SCAI: variants seen among roughly 807,000 people sequenced by gnomAD.
SCAI encodes suppressor of cancer cell invasion, also known as protein SCAI.
Under a neutral mutation model 92.2 loss-of-function variants are expected in SCAI, and 24 were observed. The ratio of observed to expected loss-of-function variants is 0.26; its 90% confidence interval spans 0.19 to 0.37. The LOEUF (loss-of-function observed/expected upper bound fraction) is 0.37. SCAI is among the 10% of genes least tolerant of loss of function. SCAI has a pLI of 1.00. For synonymous variants in SCAI, 261 were observed against 258.6 expected (o/e 1.01, Z -0.09); for missense variants, 450 against 736.2 (o/e 0.61, Z 4.50).
chr9:125,026,731 T>A (rs1832972749), intron 6 of SCAI, 81 bp downstream of exon 6: 2 of 735,458 alleles, frequency 2.7e-6, no homozygotes, highest in East Asian at 5.1e-5. Flanking sequence ...TATAAAAATG[T>A]ATGCTTTTCC....
At position 124,999,856 on chromosome 9, in the gene SCAI, A is replaced by G. The variant is rs751112294; in HGVS notation, c.1244+35T>C. The G allele has an allele frequency of 1.6e-5, 17 of 1,080,742 alleles. No homozygotes were observed. The South Asian group carries it at 2.5e-4, about 16-fold the overall frequency. The allele number at this position is 1,080,742 out of a possible 1,614,324, so 66.9% of individuals were successfully genotyped here. A position where few individuals can be genotyped will look rare whatever the true frequency, so the allele number is the denominator to read the frequency against. On this transcript the variant is annotated intron_variant, in intron 13 of 17. Transcript: ENST00000336505. ...TTTTCTATTTATAGACAGAGGTATA[A>G]TTTTTATAATAAGAGTAGACACCAG...
chr9:125,007,481 G>C (rs72765231), intron 9 of SCAI, among the ~76,000 whole-genome samples: 19,974 of 152,064 alleles, frequency 0.13, 1,754 homozygotes, highest in Non-Finnish European at 0.19. Flanking sequence ...TTGAGGCCAG[G>C]AGTTTGAGAC....
intron 2 of SCAI, among the ~76,000 whole-genome samples, chr9:125,082,875 A>G (rs1036981747): frequency 1.3e-5 from 2 of 152,250 alleles, no homozygotes; most frequent in African/African-American, 4.8e-5. Flanking sequence ...TTACAGGCTC[A>G]TAGGCAGAAG....
At chr9:124,960,548 A>G (rs1281402445) in intron 17 of SCAI, among the ~76,000 whole-genome samples, 1 of 152,204 alleles carries the variant, frequency 6.6e-6, no homozygotes, top group Non-Finnish European at 1.5e-5. Flanking sequence ...GCACAATGCA[A>G]TGCTTAGTCA....
At chr9:125,096,916 T>C (rs1461928354) in intron 2 of SCAI, among the ~76,000 whole-genome samples, 4 of 152,336 alleles carry the variant, frequency 2.6e-5, no homozygotes, top group South Asian at 4.1e-4. Context: ...GTAAAATATA[T>C]ATACTCCTGA....
At chr9:125,104,905 C>T (rs2131218574) in intron 2 of SCAI, among the ~76,000 whole-genome samples, 1 of 149,778 alleles carries the variant, frequency 6.7e-6, no homozygotes, top group East Asian at 2.0e-4. Context: ...TTCCAGTGAG[C>T]TGAGATAATG....
chr9:125,128,359 C>T (rs771049617), intron 2 of SCAI, among the ~76,000 whole-genome samples: 13 of 151,960 alleles, frequency 8.6e-5, no homozygotes, highest in Non-Finnish European at 1.8e-4. Context: ...GTGGCCCACA[C>T]TTGTAATCCC....
intron 6 of SCAI, among the ~76,000 whole-genome samples, chr9:125,024,850 C>A (rs746258284): frequency 6.6e-6 from 1 of 152,142 alleles, no homozygotes; most frequent in Non-Finnish European, 1.5e-5. Context: ...TATCTCCTCT[C>A]CTAGGTAGGA....
intron 11 of SCAI, among the ~76,000 whole-genome samples, chr9:125,002,428 T>C (rs1832379015): frequency 6.6e-6 from 1 of 152,046 alleles, no homozygotes; most frequent in Non-Finnish European, 1.5e-5. Flanking sequence ...GATCTAAATG[T>C]TTCATAGAGC....
chr9:124,982,860 T>C (rs1831914816), intron 14 of SCAI, among the ~76,000 whole-genome samples: 1 of 151,890 alleles, frequency 6.6e-6, no homozygotes. Context: ...TTAACTGGGG[T>C]TTAAAATATA....
At chr9:124,962,170 T>TTTTTG (rs1554774807) in intron 17 of SCAI, among the ~76,000 whole-genome samples, 1 of 84,120 alleles carries the variant, frequency 1.2e-5, no homozygotes. Context: ...TTTTTTTTTT[T>TTTTTG]GCGGGGGGGG....
At chr9:125,125,393 T>G (rs1412968278) in intron 2 of SCAI, among the ~76,000 whole-genome samples, 1 of 151,904 alleles carries the variant, frequency 6.6e-6, no homozygotes, top group East Asian at 1.9e-4. Context: ...CCAGGTGTAG[T>G]GGCACATGCC....
In SCAI at chr9:124,951,262, T is replaced by TAA. The variant is rs1831231715; in HGVS notation, c.*1544_*1545insTT. ...TGGCTCACGCCTGTAATCCCAGCAC[T>TAA]TTGGGAGGCTGAGGCAGGCAGATCA... is the stretch of plus-strand genomic sequence containing the variant. On this transcript the variant is annotated 3_prime_UTR_variant, in exon 18 of 18. Coordinates refer to ENST00000336505, the MANE Select transcript of SCAI (RefSeq NM_001144877.3). The TAA allele has an allele frequency of 1.3e-5, 2 of 151,780 alleles. No homozygotes were observed. The allele number at this position is 151,780 out of a possible 1,614,324, so 9.4% of individuals were successfully genotyped here.
chr9:125,054,340 G>A (rs1251428515), intron 3 of SCAI, among the ~76,000 whole-genome samples: 1 of 152,132 alleles, frequency 6.6e-6, no homozygotes, highest in Non-Finnish European at 1.5e-5. Context: ...CTGTGAAATA[G>A]GTTCACTGGA....
At chr9:124,964,903 C>A (rs1831508428) in intron 17 of SCAI, among the ~76,000 whole-genome samples, 1 of 152,068 alleles carries the variant, frequency 6.6e-6, no homozygotes, top group South Asian at 2.1e-4. Flanking sequence ...GATCATAAAC[C>A]CAAGTGCATT....
intron 2 of SCAI, among the ~76,000 whole-genome samples, chr9:125,057,112 G>A (rs1446058041): frequency 1.3e-5 from 2 of 152,158 alleles, no homozygotes; most frequent in South Asian, 2.1e-4. Flanking sequence ...ATTTGGTCCT[G>A]GTGTAGGATG....
At position 124,949,643 on chromosome 9, in the gene SCAI, T is replaced by TA. The variant is rs1429891660; in HGVS notation, c.*3163dup. On this transcript the variant is annotated 3_prime_UTR_variant, in exon 18 of 18. Transcript: ENST00000336505. This position sits in a 1 kb window ranked among gnomAD's most constrained non-coding sequence, Gnocchi z 4.0. ...ACCATGCCCTGCTTGATCACTCTTT[T>TA]AAACATTGTTCTTCTCTTAAGAAAA... 2 of 152,152 alleles carry TA rather than the reference T, an allele frequency of 1.3e-5. No homozygotes were observed. The highest frequency in any genetic ancestry group is 4.8e-5 in the African/African-American group (2 of 41,442). 9.4% of individuals were successfully genotyped at this position (152,152 alleles called of 1,614,324 possible).
intron 2 of SCAI, among the ~76,000 whole-genome samples, chr9:125,069,874 G>C (rs1008487007): frequency 8.7e-4 from 132 of 151,788 alleles, no homozygotes; most frequent in Admixed American, 5.3e-4. Context: ...TGCCCACCTC[G>C]GTCTCCCAAA....
rs1832853915 is a variant in SCAI at position 125,020,657 on chromosome 9, T to C, written c.609+16A>G. ...CAACTAGAGATTAGAATTTGAACTA[T>C]TTAAAGTGTATTTACCTTTACCAGA... On this transcript the variant is annotated intron_variant, in intron 7 of 17. Coordinates refer to ENST00000336505, the MANE Select transcript of SCAI (RefSeq NM_001144877.3). 1 of 1,124,940 alleles carries C rather than the reference T, an allele frequency of 8.9e-7. No individual in the cohort carries two copies. The highest frequency in any genetic ancestry group is 1.3e-6 in the Non-Finnish European group (1 of 766,074). The allele number at this position is 1,124,940 out of a possible 1,614,324, so 69.7% of individuals were successfully genotyped here. A position where few individuals can be genotyped will look rare whatever the true frequency, so the allele number is the denominator to read the frequency against.
Sources: gnomAD v4.1 joint callset for allele counts (sites outside exome capture counted in the v4.1 genomes callset) on GRCh38, gnomAD v4.1.1 for gene constraint, Gnocchi (gnomAD v3.1) non-coding constraint, MANE v1.5 for transcripts, NCBI Gene and HGNC (gene_info 2026-07-23, HGNC 2026-07-21) for gene names.